The following XYLB variants were observed in gnomAD, a reference collection of about 807,000 sequenced individuals.
The protein encoded by XYLB is xylulokinase, also known as xylulose kinase.
XYLB carries 62 observed loss-of-function variants against 78.7 expected under a neutral mutation model. The observed-to-expected ratio is 0.79, with a 90% CI of 0.64 to 0.97. The LOEUF (loss-of-function observed/expected upper bound fraction) is 0.97, where lower values mean the gene tolerates loss of function less well. XYLB is among the 50% of genes least tolerant of loss of function. XYLB has a pLI of 0.00. For synonymous variants in XYLB, 245 were observed against 247.4 expected, an observed-to-expected ratio of 0.99 and a Z score of 0.09; for missense variants, 687 against 676.8, an observed-to-expected ratio of 1.02 and a Z score of -0.17.
At chr3:38,372,784 A>T (rs1167852509) in intron 10 of XYLB, 48 bp downstream of exon 10, 2 of 1,590,738 alleles carry the variant, frequency 1.3e-6, no homozygotes, top group Non-Finnish European at 1.7e-6. Context: ...GACTGGGTCC[A>T]TGCTGGATGT....
intron 2 of XYLB, among the ~76,000 whole-genome samples, chr3:38,357,579 G>C (rs912182447): frequency 2.6e-5 from 4 of 152,058 alleles, no homozygotes; most frequent in African/African-American, 4.8e-5. Context: ...GTAGAGATGG[G>C]GTTTCACCGT....
At chr3:38,378,176 A>G (rs887663447) in intron 14 of XYLB, among the ~76,000 whole-genome samples, 1 of 152,252 alleles carries the variant, frequency 6.6e-6, no homozygotes, top group Non-Finnish European at 1.5e-5. Context: ...GTTCATCTCA[A>G]TCTTCTGATG....
At chr3:38,389,676 T>C (rs1707567673) in intron 15 of XYLB, among the ~76,000 whole-genome samples, 1 of 152,198 alleles carries the variant, frequency 6.6e-6, no homozygotes, top group Non-Finnish European at 1.5e-5. Context: ...TCACCAGTAG[T>C]TGCAGTGTCT....
At chr3:38,393,543 G>A (rs1284640200) in intron 15 of XYLB, among the ~76,000 whole-genome samples, 2 of 152,170 alleles carry the variant, frequency 1.3e-5, no homozygotes, top group Non-Finnish European at 2.9e-5. Context: ...GTATTAGTTG[G>A]CTAGGGCTGC....
At position 38,366,798 on chromosome 3, in the gene XYLB, C is replaced by A; in HGVS notation, c.508-10C>A. The stretch of plus-strand genomic sequence containing the variant: ...ATTTGGGTTCCTAAGAATTTATATT[C>A]CTTTTCCAGCGTTTTACAGGGAACC... On this transcript the variant is annotated splice_polypyrimidine_tract_variant and intron_variant, in intron 6 of 18. Coordinates refer to ENST00000207870, the MANE Select transcript of XYLB (RefSeq NM_005108.4). 6.2e-7 allele frequency: 1 copy of A among 1,604,270 alleles called. No homozygotes were observed. Among genetic ancestry groups the A allele is most frequent in the Non-Finnish European group, 8.5e-7 (1 of 1,171,192 alleles).
chr3:38,396,876 C>T (rs1021213969), intron 16 of XYLB, among the ~76,000 whole-genome samples, 196 bp from the exon 17 acceptor site: 16 of 152,110 alleles, frequency 1.1e-4, no homozygotes, highest in African/African-American at 2.7e-4. Context: ...CTCTCCACTA[C>T]GGACTTCCCC....
chr3:38,348,425 T>C, intron 1 of XYLB, 125 bp from the exon 2 acceptor site: 1 of 795,766 alleles, frequency 1.3e-6, no homozygotes, highest in African/African-American at 1.7e-5. Context: ...AGCCCTGCCT[T>C]CAAGGAGGTC....
At chr3:38,415,272 G>A (rs1262722697), downstream of XYLB, among the ~76,000 whole-genome samples, 3 of 152,148 alleles carry the variant, frequency 2.0e-5, no homozygotes, top group Non-Finnish European at 4.4e-5. Context: ...CAAGGATATA[G>A]GAAGAAGTTT....
intron 13 of XYLB, 29 bp from the exon 14 acceptor site, chr3:38,376,888 AC>A (rs1243467590): frequency 1.9e-6 from 3 of 1,593,134 alleles, no homozygotes; most frequent in Non-Finnish European, 2.6e-6. Flanking sequence ...TTGACTAATG[AC>A]GGCTGATCTC....
chr3:38,436,357 C>T, the XYLB span, among the ~76,000 whole-genome samples: 375 of 152,162 alleles, frequency 2.5e-3, 2 homozygotes, highest in African/African-American at 7.4e-3. Flanking sequence ...ATACAACCTA[C>T]CAAGTTTGAA....
chr3:38,419,559 C>T (rs1708905851), downstream of XYLB, among the ~76,000 whole-genome samples: 1 of 81,316 alleles, frequency 1.2e-5, no homozygotes, highest in Non-Finnish European at 2.8e-5. Flanking sequence ...ACATCCTTGT[C>T]AACACTTGTT....
intron 18 of XYLB, among the ~76,000 whole-genome samples, chr3:38,405,109 TTTA>T (rs1401439697): frequency 1.3e-5 from 2 of 152,210 alleles, no homozygotes; most frequent in Non-Finnish European, 2.9e-5. Flanking sequence ...GGGCTTTTTG[TTTA>T]TTTATTTTGG....
At chr3:38,397,974 A>G (rs1372604056) in intron 17 of XYLB, among the ~76,000 whole-genome samples, 4 of 151,208 alleles carry the variant, frequency 2.6e-5, no homozygotes, top group African/African-American at 4.9e-5. Context: ...GCCTGCCACC[A>G]TGCCCAGCTA....
chr3:38,422,573 GT>G (rs1031586377), downstream of XYLB, among the ~76,000 whole-genome samples: 2 of 152,162 alleles, frequency 1.3e-5, no homozygotes, highest in Non-Finnish European at 2.9e-5. Flanking sequence ...CATAGTTGGA[GT>G]TGGTAAAGCC....
rs1314378461 is a variant in XYLB at position 38,414,758 on chromosome 3, G to T, written c.*1745G>T. 6.6e-6 allele frequency: 1 copy of T among 152,072 alleles called. No individual in the cohort carries two copies. Among genetic ancestry groups the T allele is most frequent in the Non-Finnish European group, 1.5e-5 (1 of 68,030 alleles). The allele number at this position is 152,072 out of a possible 1,614,324, so 9.4% of individuals were successfully genotyped here. ...ACAAGTACATTAAGGCACGTAGAAGGTAGGAGTAAGAAAAGCTAAGAGAAG... is the reference window on the plus strand; with the variant it reads ...ACAAGTACATTAAGGCACGTAGAAGTTAGGAGTAAGAAAAGCTAAGAGAAG... On this transcript the variant is annotated 3_prime_UTR_variant, in exon 19 of 19. Coordinates refer to ENST00000207870, the MANE Select transcript of XYLB (RefSeq NM_005108.4).
intron 2 of XYLB, chr3:38,356,763 T>C (rs980896701): frequency 2.6e-5 from 4 of 152,224 alleles, no homozygotes; most frequent in Admixed American, 2.0e-4. Context: ...TTTTAGACAT[T>C]TGAGTTGTTC....
intron 15 of XYLB, among the ~76,000 whole-genome samples, chr3:38,379,997 AG>A (rs1707070263): frequency 6.6e-6 from 1 of 152,128 alleles, no homozygotes; most frequent in South Asian, 2.1e-4. Context: ...GAGGAGGTAG[AG>A]GGCATCACAT....
chr3:38,415,636 A>C (rs979748705), downstream of XYLB, among the ~76,000 whole-genome samples: 1 of 152,114 alleles, frequency 6.6e-6, no homozygotes, highest in Non-Finnish European at 1.5e-5. Context: ...TACAAAAATT[A>C]GCTGGGTATG....
chr3:38,431,815 A>T, the XYLB span, among the ~76,000 whole-genome samples: 3 of 152,176 alleles, frequency 2.0e-5, no homozygotes, highest in South Asian at 4.1e-4. Context: ...GCACTGAGTG[A>T]AGGGGAAGCC....
Sources: allele counts gnomAD v4.1 joint callset (sites outside exome capture counted in the v4.1 genomes callset), GRCh38; gene constraint gnomAD v4.1.1; transcripts MANE v1.5; gene names NCBI Gene and HGNC (gene_info 2026-07-23, HGNC 2026-07-21).